The following TNFAIP8 variants were observed in gnomAD, a reference collection of about 807,000 sequenced individuals.
The protein encoded by TNFAIP8 is tumor necrosis factor alpha-induced protein 8.
A neutral mutation model predicts 13.3 loss-of-function variants in TNFAIP8; 7 were observed. The ratio of observed to expected loss-of-function variants is 0.52; its 90% CI spans 0.30 to 0.99. TNFAIP8 has a LOEUF of 0.99. Ranked by LOEUF, TNFAIP8 falls within the 50% of genes least tolerant of loss-of-function variation. The probability of loss-of-function intolerance (pLI) is 0.07; values close to 1 mark genes in which losing one functional copy is unlikely to be tolerated. For synonymous variants in TNFAIP8, 94 were observed against 87.6 expected (o/e 1.07, Z -0.41); for missense variants, 258 against 236.9 (o/e 1.09, Z -0.58).
chr5:119,341,087 C>CT (rs35856054), intron 1 of TNFAIP8, among the ~76,000 whole-genome samples: 1,754 of 138,376 alleles, frequency 0.013, 27 homozygotes, highest in African/African-American at 0.032. Flanking sequence ...TGGTCTCCTG[C>CT]TTTTTTTTTT....
At chr5:119,363,899 G>A (rs1751729526) in intron 1 of TNFAIP8, among the ~76,000 whole-genome samples, 1 of 152,164 alleles carries the variant, frequency 6.6e-6, no homozygotes, top group African/African-American at 2.4e-5. Flanking sequence ...AGCCCCTCAG[G>A]TTCAGTAATT....
rs1004035 is a variant in TNFAIP8 at position 119,305,738 on chromosome 5, A to C, written c.1+36831A>C. On this transcript the variant is annotated intron_variant, in intron 1 of 1. Transcript: ENST00000274456. ...ATAAATGACACATTACAAATACCCA[A>C]ATCATGATAGCTCAGGTATACTGTT... 2.6e-3 allele frequency among the ~76,000 whole-genome samples: 402 copies of C among 152,328 alleles called. 1 individual carries two copies. The highest frequency in any genetic ancestry group is 9.4e-3 in the African/African-American group (389 of 41,584).
At chr5:119,379,688 T>G (rs1256421892) in intron 1 of TNFAIP8, among the ~76,000 whole-genome samples, 1 of 152,186 alleles carries the variant, frequency 6.6e-6, no homozygotes, top group Non-Finnish European at 1.5e-5. Flanking sequence ...CCTCCCAGGC[T>G]TGAGCAATCC....
chr5:119,309,044 A>T (rs1749653553), intron 1 of TNFAIP8, among the ~76,000 whole-genome samples: 1 of 152,184 alleles, frequency 6.6e-6, no homozygotes, highest in Non-Finnish European at 1.5e-5. Context: ...GTCAAGTGGC[A>T]TTGAAGGAGA....
At chr5:119,329,132 G>C (rs1369979153) in intron 1 of TNFAIP8, among the ~76,000 whole-genome samples, 1 of 152,226 alleles carries the variant, frequency 6.6e-6, no homozygotes. Flanking sequence ...TTCTGGGCGT[G>C]CCTTTCAGCC....
chr5:119,334,375 C>T (rs1047116604), intron 1 of TNFAIP8, among the ~76,000 whole-genome samples: 1 of 151,972 alleles, frequency 6.6e-6, no homozygotes, highest in Non-Finnish European at 1.5e-5. Context: ...CTTAGGTTTA[C>T]TTAAAATTGT....
chr5:119,367,295 A>AT (rs1368983920), intron 1 of TNFAIP8, among the ~76,000 whole-genome samples: 2 of 136,412 alleles, frequency 1.5e-5, no homozygotes, highest in South Asian at 2.7e-4. Flanking sequence ...GAATAATTTG[A>AT]TTTTTTTGTT....
chr5:119,331,293 C>T (rs1446125715), intron 1 of TNFAIP8, among the ~76,000 whole-genome samples: 2 of 149,956 alleles, frequency 1.3e-5, no homozygotes, highest in African/African-American at 4.9e-5. Flanking sequence ...TTCACAAATA[C>T]TTACTTGAGA....
At chr5:119,330,502 A>G (rs1750344031) in intron 1 of TNFAIP8, among the ~76,000 whole-genome samples, 1 of 152,018 alleles carries the variant, frequency 6.6e-6, no homozygotes, top group African/African-American at 2.4e-5. Flanking sequence ...GTGTCTAGAG[A>G]TTGTTCTGGG....
intron 1 of TNFAIP8, among the ~76,000 whole-genome samples, chr5:119,386,338 T>A (rs989937139): frequency 1.3e-5 from 2 of 152,174 alleles, no homozygotes; most frequent in Non-Finnish European, 2.9e-5. Context: ...AAATCAGGAA[T>A]CAATTGCATG....
chr5:119,350,152 C>G (rs1392514430), intron 1 of TNFAIP8, among the ~76,000 whole-genome samples: 1 of 152,158 alleles, frequency 6.6e-6, no homozygotes, highest in African/African-American at 2.4e-5. Context: ...TCTGTGCGTT[C>G]CATATTCATG....
intron 1 of TNFAIP8, among the ~76,000 whole-genome samples, chr5:119,338,165 G>GACACACAC (rs367789572): frequency 0.059 from 7,397 of 125,062 alleles, 324 homozygotes; most frequent in East Asian, 0.1. Flanking sequence ...CTGGAACTTT[G>GACACACAC]ACACACACAC....
chr5:119,311,082 G>T (rs1749714526), intron 1 of TNFAIP8, among the ~76,000 whole-genome samples: 2 of 152,058 alleles, frequency 1.3e-5, no homozygotes, highest in Admixed American at 1.3e-4. Flanking sequence ...GAGTGCAATG[G>T]CATGATTATA....
chr5:119,342,609 G>A (rs1750775441), intron 1 of TNFAIP8, among the ~76,000 whole-genome samples: 1 of 152,136 alleles, frequency 6.6e-6, no homozygotes, highest in Non-Finnish European at 1.5e-5. Context: ...TGCTGTCTCT[G>A]CTTTCTCAAC....
intron 1 of TNFAIP8, among the ~76,000 whole-genome samples, chr5:119,297,734 G>T (rs1217963139): frequency 2.0e-5 from 3 of 152,090 alleles, no homozygotes; most frequent in Non-Finnish European, 4.4e-5. Flanking sequence ...TTATTGTGTG[G>T]GAGTCTAAGT....
chr5:119,295,510 C>T (rs1279415909), intron 1 of TNFAIP8, among the ~76,000 whole-genome samples: 1 of 151,908 alleles, frequency 6.6e-6, no homozygotes, highest in East Asian at 1.9e-4. Context: ...GGTACCAGTA[C>T]CATGCTGTTT....
intron 1 of TNFAIP8, among the ~76,000 whole-genome samples, chr5:119,341,092 T>C (rs1030848834): frequency 6.6e-6 from 1 of 151,736 alleles, no homozygotes; most frequent in Non-Finnish European, 1.5e-5. Flanking sequence ...TCCTGCTTTT[T>C]TTTTTTTTTT....
At chr5:119,347,110 C>T (rs967140097) in intron 1 of TNFAIP8, among the ~76,000 whole-genome samples, 1 of 152,176 alleles carries the variant, frequency 6.6e-6, no homozygotes, top group Admixed American at 6.5e-5. Flanking sequence ...CTAGAGTTAG[C>T]TTGTCTTTGA....
At position 119,397,315 on chromosome 5, in the gene TNFAIP8, A is replaced by G. The variant is rs934405249; in HGVS notation, c.*3934A>G. ...CCTGACAAATGGTAAATAAAAGAAT[A>G]TGTTTATCCAAATGATGAAATATTT... is the stretch of plus-strand genomic sequence containing the variant. On this transcript the variant is annotated 3_prime_UTR_variant, in exon 2 of 2. Transcript: ENST00000504771. 6.6e-6 allele frequency: 1 copy of G among 152,238 alleles called. No homozygotes were observed. The allele number at this position is 152,238 out of a possible 1,614,324, so 9.4% of individuals were successfully genotyped here.
Sources: allele counts gnomAD v4.1 joint callset (sites outside exome capture counted in the v4.1 genomes callset), GRCh38; gene constraint gnomAD v4.1.1; transcripts MANE v1.5; gene names NCBI Gene and HGNC (gene_info 2026-07-23, HGNC 2026-07-21).